Variants in CACNA2D2 observed in about 807,000 individuals in gnomAD.
The protein encoded by CACNA2D2 is calcium voltage-gated channel auxiliary subunit alpha2delta 2, also known as voltage-dependent calcium channel subunit alpha-2/delta-2.
Under a neutral mutation model 166.4 loss-of-function variants are expected in CACNA2D2, and 48 were observed. That is an observed-to-expected ratio of 0.29 (90% CI 0.23 to 0.37). CACNA2D2 has a LOEUF of 0.37. CACNA2D2 is among the 10% of genes least tolerant of loss of function. CACNA2D2 has a pLI of 1.00. For synonymous variants in CACNA2D2, 561 were observed against 573.7 expected, an observed-to-expected ratio of 0.98 and a Z score of 0.32; for missense variants, 1,122 against 1,433.0, an observed-to-expected ratio of 0.78 and a Z score of 3.50.
chr3:50,502,778 C>T (rs1413157598), intron 1 of CACNA2D2, among the ~76,000 whole-genome samples: 2 of 152,274 alleles, frequency 1.3e-5, no homozygotes, highest in Non-Finnish European at 2.9e-5. Flanking sequence ...TCCCTCACCT[C>T]TGGCTGTAAA....
chr3:50,393,099 A>C (rs1705964746), intron 4 of CACNA2D2, among the ~76,000 whole-genome samples: 1 of 152,170 alleles, frequency 6.6e-6, no homozygotes, highest in South Asian at 2.1e-4. Context: ...GACACCCGAC[A>C]GCCAGCTGTG....
At chr3:50,368,006 T>C in intron 24 of CACNA2D2, 104 bp from the exon 25 acceptor site, 1 of 1,007,486 alleles carries the variant, frequency 9.9e-7, no homozygotes, top group East Asian at 2.8e-5. Flanking sequence ...CTCCATGACC[T>C]GGCCCTGGCC....
chr3:50,467,441 CT>C (rs1709870332), intron 2 of CACNA2D2, among the ~76,000 whole-genome samples: 1 of 152,208 alleles, frequency 6.6e-6, no homozygotes, highest in African/African-American at 2.4e-5. Context: ...GGATCTGTCC[CT>C]TTTCAGTCCT....
intron 2 of CACNA2D2, among the ~76,000 whole-genome samples, chr3:50,446,243 G>C (rs1708841137): frequency 6.6e-6 from 1 of 152,200 alleles, no homozygotes; most frequent in Non-Finnish European, 1.5e-5. Context: ...ATTATTACGG[G>C]ATTAGCTGCC....
At chr3:50,499,962 C>G (rs1162700023) in intron 1 of CACNA2D2, among the ~76,000 whole-genome samples, 1 of 152,154 alleles carries the variant, frequency 6.6e-6, no homozygotes, top group East Asian at 1.9e-4. Flanking sequence ...GCAGCAGCGG[C>G]TGGGAAGCCT....
At chr3:50,409,234 A>C (rs1706872719) in intron 3 of CACNA2D2, among the ~76,000 whole-genome samples, 1 of 152,226 alleles carries the variant, frequency 6.6e-6, no homozygotes, top group Admixed American at 6.5e-5. Flanking sequence ...ATGGAGGCCG[A>C]CAGCACTTGG....
chr3:50,421,789 T>C (rs1400770894), intron 3 of CACNA2D2, among the ~76,000 whole-genome samples: 1 of 152,096 alleles, frequency 6.6e-6, no homozygotes, highest in Non-Finnish European at 1.5e-5. Flanking sequence ...AGGAACATGA[T>C]GCTACACTTG....
chr3:50,456,768 A>C (rs1709375555), intron 2 of CACNA2D2, among the ~76,000 whole-genome samples: 1 of 152,168 alleles, frequency 6.6e-6, no homozygotes, highest in Non-Finnish European at 1.5e-5. Context: ...GTTTTACAAG[A>C]GAAAATTCAG....
intron 3 of CACNA2D2, among the ~76,000 whole-genome samples, chr3:50,415,049 G>T (rs999507155): frequency 2.0e-5 from 3 of 152,196 alleles, no homozygotes; most frequent in Admixed American, 6.5e-5. Context: ...CCCGGAGAAC[G>T]CGGGTCATGG....
intron 2 of CACNA2D2, among the ~76,000 whole-genome samples, chr3:50,461,005 A>G (rs1709563485): frequency 1.3e-5 from 2 of 152,182 alleles, no homozygotes; most frequent in African/African-American, 2.4e-5. Context: ...ACAGGGCCTG[A>G]GTTAAGGTTT....
At chr3:50,455,176 C>A (rs1179974163) in intron 2 of CACNA2D2, among the ~76,000 whole-genome samples, 1 of 152,192 alleles carries the variant, frequency 6.6e-6, no homozygotes, top group Non-Finnish European at 1.5e-5. Flanking sequence ...GAGCACTGTA[C>A]GCCCCCTGCA....
At chr3:50,450,403 CTA>C in intron 2 of CACNA2D2, among the ~76,000 whole-genome samples, 1 of 150,470 alleles carries the variant, frequency 6.6e-6, no homozygotes, top group South Asian at 2.1e-4. Context: ...CCAGGAGCTG[CTA>C]ATTCCTCGCC....
At chr3:50,419,752 G>C (rs757749359) in intron 3 of CACNA2D2, 1 of 152,262 alleles carries the variant, frequency 6.6e-6, no homozygotes, top group African/African-American at 2.4e-5. Flanking sequence ...CGACACCTAG[G>C]GTTGGAACCC....
Position 50,376,336 on chromosome 3 carries a change from T to G in CACNA2D2, c.1627-148A>C. On this transcript the variant is annotated intron_variant, in intron 17 of 37. Transcript: ENST00000424201. The surrounding 1 kb of genome is among the most constrained non-coding windows in gnomAD (Gnocchi z 4.3). Reference sequence around the variant, plus strand: ...AGGGCCCCCCCATGCCACGTGGCCCTAAGCCTGTCTCTCCAGCCAGGCCCG... The same window carrying G: ...AGGGCCCCCCCATGCCACGTGGCCCGAAGCCTGTCTCTCCAGCCAGGCCCG... 9 of 824,380 alleles carry G rather than the reference T, an allele frequency of 1.1e-5. No homozygotes were observed. Among genetic ancestry groups the G allele is most frequent in the Non-Finnish European group, 1.5e-5 (8 of 528,154 alleles). 51.1% of individuals were successfully genotyped at this position (824,380 alleles called of 1,614,324 possible). A position where few individuals can be genotyped will look rare whatever the true frequency, so the allele number is the denominator to read the frequency against.
chr3:50,416,707 G>C (rs1419130902), intron 3 of CACNA2D2, among the ~76,000 whole-genome samples: 1 of 152,260 alleles, frequency 6.6e-6, no homozygotes, highest in Non-Finnish European at 1.5e-5. Flanking sequence ...CGGAGCCACA[G>C]TGTGGTCTCG....
chr3:50,488,945 C>T (rs2107148330), intron 1 of CACNA2D2, among the ~76,000 whole-genome samples: 1 of 152,244 alleles, frequency 6.6e-6, no homozygotes, highest in Non-Finnish European at 1.5e-5. Flanking sequence ...TGTGATCCGC[C>T]CACCTCAGCC....
chr3:50,365,737 C>T lies in CACNA2D2; in HGVS notation c.2916-49G>A. The T allele has an allele frequency of 6.2e-7, 1 of 1,605,508 alleles. No homozygotes were observed. Among genetic ancestry groups the T allele is most frequent in the Non-Finnish European group, 8.5e-7 (1 of 1,176,244 alleles). ...GCAGGTGGTCAGCAGAGGACGATGC[C>T]ATGCCCTACTTCTCTTCTGAGCCCT... On this transcript the variant is annotated intron_variant, in intron 33 of 37. Coordinates refer to ENST00000424201, the MANE Select transcript of CACNA2D2 (RefSeq NM_006030.4). The surrounding 1 kb of genome is among the most constrained non-coding windows in gnomAD (Gnocchi z 4.5).
At chr3:50,389,058 C>T (rs369269951) in intron 4 of CACNA2D2, among the ~76,000 whole-genome samples, 2 of 152,210 alleles carry the variant, frequency 1.3e-5, no homozygotes, top group South Asian at 4.1e-4. Flanking sequence ...AGAAAGCCTT[C>T]GCACCCTGGC....
At chr3:50,475,759 T>G (rs750071676) in intron 2 of CACNA2D2, among the ~76,000 whole-genome samples, 13 of 152,276 alleles carry the variant, frequency 8.5e-5, no homozygotes, top group Middle Eastern at 3.4e-3. Flanking sequence ...CCTGGATCCC[T>G]TCAGCTCCTG....
Sources: allele counts gnomAD v4.1 joint callset (sites outside exome capture counted in the v4.1 genomes callset), GRCh38; gene constraint gnomAD v4.1.1; non-coding constraint Gnocchi (gnomAD v3.1); transcripts MANE v1.5; gene names NCBI Gene and HGNC (gene_info 2026-07-23, HGNC 2026-07-21).